Variants in ATXN7L1 observed in about 807,000 individuals in gnomAD.
ATXN7L1 encodes ataxin 7 like 1, also known as ataxin-7-like protein 1.
ATXN7L1 carries 15 observed loss-of-function variants against 70.8 expected under a neutral mutation model. The ratio of observed to expected loss-of-function variants is 0.21; its 90% CI spans 0.14 to 0.33. The LOEUF (loss-of-function observed/expected upper bound fraction) is 0.33. ATXN7L1 is among the 10% of genes least tolerant of loss of function. The pLI, the probability that ATXN7L1 is intolerant of heterozygous loss-of-function variation, is 1.00. For synonymous variants in ATXN7L1, 440 were observed against 445.1 expected (o/e 0.99, Z 0.14); for missense variants, 975 against 1,097.1 (o/e 0.89, Z 1.57).
At chr7:105,714,734 C>T (rs1334142775) in intron 3 of ATXN7L1, among the ~76,000 whole-genome samples, 1 of 152,200 alleles carries the variant, frequency 6.6e-6, no homozygotes, top group African/African-American at 2.4e-5. Context: ...ACCATCTCGG[C>T]TCACTGCAAT....
chr7:105,741,406 A>AC (rs5886367), intron 3 of ATXN7L1, among the ~76,000 whole-genome samples: 70,890 of 151,996 alleles, frequency 0.47, 16,663 homozygotes, highest in Admixed American at 0.54. Context: ...TCCTCTCCCT[A>AC]AACATTATAC....
At chr7:105,837,247 A>T (rs1247451308) in intron 2 of ATXN7L1, among the ~76,000 whole-genome samples, 1 of 152,172 alleles carries the variant, frequency 6.6e-6, no homozygotes, top group Admixed American at 6.5e-5. Flanking sequence ...TTACCTTTTA[A>T]CATGAGATCT....
At chr7:105,716,498 G>A (rs1794561825) in intron 3 of ATXN7L1, among the ~76,000 whole-genome samples, 1 of 152,044 alleles carries the variant, frequency 6.6e-6, no homozygotes, top group Non-Finnish European at 1.5e-5. Flanking sequence ...GAGTTCTCTT[G>A]TACCTTAACT....
At chr7:105,647,327 C>A (rs967460711) in intron 4 of ATXN7L1, among the ~76,000 whole-genome samples, 2 of 152,106 alleles carry the variant, frequency 1.3e-5, no homozygotes, top group South Asian at 4.1e-4. Context: ...ATAGAATAAT[C>A]CAGAGCAATT....
At chr7:105,706,732 G>A (rs1199788122) in intron 3 of ATXN7L1, among the ~76,000 whole-genome samples, 1 of 152,198 alleles carries the variant, frequency 6.6e-6, no homozygotes, top group Non-Finnish European at 1.5e-5. Context: ...CTAGGTCCCC[G>A]ATGTAGACCA....
At chr7:105,820,007 A>T (rs1809877580) in intron 2 of ATXN7L1, 5 of 454,494 alleles carry the variant, frequency 1.1e-5, no homozygotes, top group Non-Finnish European at 1.7e-5. Context: ...AAGAAGAAAC[A>T]GCTCATGAGG....
At chr7:105,692,420 T>TCCTCCCTCCCTCCCTCCCTC (rs1791075002) in intron 3 of ATXN7L1, among the ~76,000 whole-genome samples, 1 of 111,994 alleles carries the variant, frequency 8.9e-6, no homozygotes, top group Non-Finnish European at 1.9e-5. Flanking sequence ...CTTCCTTCCT[T>TCCTCCCTCCCTCCCTCCCTC]CCTTCCTCCC....
rs532475320 is a variant in ATXN7L1, at chr7:105,707,877, A to G, written c.356-42589T>C. On this transcript the variant is annotated intron_variant, in intron 3 of 11. Transcript: ENST00000419735. ...AGCTCAACAGCTCTAACAGGAGAGC[A>G]ATGGGCAAAGTTGCAGTGAAGCTAC... Among the ~76,000 whole-genome samples, 356 of 152,356 alleles carry G rather than the reference A, an allele frequency of 2.3e-3. 4 individuals are homozygous for G. Among genetic ancestry groups the G allele is most frequent in the African/African-American group, 8.1e-3 (336 of 41,576 alleles).
intron 2 of ATXN7L1, among the ~76,000 whole-genome samples, chr7:105,861,976 G>A (rs532582272): frequency 7.2e-5 from 11 of 152,266 alleles, no homozygotes; most frequent in African/African-American, 2.6e-4. Flanking sequence ...GGACTCATCT[G>A]AGTCCCTAAT....
At chr7:105,683,350 T>C (rs1805775801) in intron 3 of ATXN7L1, among the ~76,000 whole-genome samples, 1 of 152,172 alleles carries the variant, frequency 6.6e-6, no homozygotes, top group South Asian at 2.1e-4. Flanking sequence ...TAGGGGGTGT[T>C]GTTTTGGTTT....
chr7:105,632,554 T>A (rs1017378247), intron 7 of ATXN7L1, among the ~76,000 whole-genome samples: 12 of 151,988 alleles, frequency 7.9e-5, no homozygotes, highest in Non-Finnish European at 2.9e-5. Context: ...CAGGAAAACA[T>A]CCCAGAAGAG....
chr7:105,673,655 GGAGA>G (rs1331649394), intron 3 of ATXN7L1, among the ~76,000 whole-genome samples: 1 of 152,252 alleles, frequency 6.6e-6, no homozygotes, highest in Non-Finnish European at 1.5e-5. Context: ...AACTGGAGTT[GGAGA>G]GAGAGGCAGG....
At chr7:105,716,025 GA>G (rs1794502411) in intron 3 of ATXN7L1, among the ~76,000 whole-genome samples, 1 of 151,948 alleles carries the variant, frequency 6.6e-6, no homozygotes, top group Non-Finnish European at 1.5e-5. Flanking sequence ...GATGGGAAGA[GA>G]AAAAAGAGAT....
chr7:105,706,335 A>T (rs547445714), intron 3 of ATXN7L1, among the ~76,000 whole-genome samples: 1 of 152,112 alleles, frequency 6.6e-6, no homozygotes, highest in South Asian at 2.1e-4. Context: ...CTGGGATTAC[A>T]GGCGTGCATC....
chr7:105,737,378 G>A (rs781153546), intron 3 of ATXN7L1, among the ~76,000 whole-genome samples: 3 of 152,180 alleles, frequency 2.0e-5, no homozygotes, highest in Non-Finnish European at 4.4e-5. Flanking sequence ...TGCTTTACTT[G>A]TACTAAACTC....
chr7:105,747,907 G>A (rs1798758050), intron 3 of ATXN7L1, among the ~76,000 whole-genome samples: 1 of 152,082 alleles, frequency 6.6e-6, no homozygotes, highest in South Asian at 2.1e-4. Flanking sequence ...ATCACCTGAG[G>A]TCAGGAGTTC....
intron 3 of ATXN7L1, chr7:105,679,022 G>A: frequency 5.2e-6 from 5 of 954,784 alleles, no homozygotes; most frequent in Non-Finnish European, 6.2e-6. Flanking sequence ...GCCGTCCTGT[G>A]TGGCCCTCGT....
chr7:105,708,858 C>T (rs184507831), intron 3 of ATXN7L1, among the ~76,000 whole-genome samples: 8 of 152,282 alleles, frequency 5.3e-5, no homozygotes, highest in African/African-American at 1.4e-4. Flanking sequence ...ACCATAGTCA[C>T]GCGCCCTATT....
At position 105,638,459 on chromosome 7, in the gene ATXN7L1, A is replaced by G. The variant is rs2115898359; in HGVS notation, c.1096T>C (p.Ser366Pro). Residue 366 changes from serine to proline, a missense_variant, in exon 7 of 12, where the codon TCC (serine) becomes CCC (proline). By Grantham distance (74) the Ser-to-Pro change is moderately conservative. Transcript: ENST00000419735. ...TSTREILPSQ[S>P]GPAQDSLLGS... ...AGCAGAGAATCCTGTGCCGGCCCGG[A>G]TTGGCTTGGAAGTATTTCCCTCGTG... 1 of 1,552,224 alleles carries G rather than the reference A, an allele frequency of 6.4e-7. No individual in the cohort carries two copies. Among genetic ancestry groups the G allele is most frequent in the East Asian group, 2.4e-5 (1 of 40,910 alleles).
Sources: allele counts gnomAD v4.1 joint callset (sites outside exome capture counted in the v4.1 genomes callset), GRCh38; gene constraint gnomAD v4.1.1; transcripts MANE v1.5; gene names NCBI Gene and HGNC (gene_info 2026-07-23, HGNC 2026-07-21).